The following IQCF1 variants were observed in gnomAD, a reference collection of about 807,000 sequenced individuals.
IQCF1 encodes IQ motif containing F1.
IQCF1 carries 9 observed loss-of-function variants against 12.5 expected under a neutral mutation model. That is an observed-to-expected ratio of 0.72 (90% confidence interval 0.43 to 1.26). The LOEUF (loss-of-function observed/expected upper bound fraction) is 1.26, where lower values mean the gene tolerates loss of function less well. Among genes scored for constraint, IQCF1 ranks in the 50% most tolerant of loss-of-function variants. The probability of loss-of-function intolerance (pLI) is 0.00; values close to 1 mark genes in which losing one functional copy is unlikely to be tolerated. For missense variants in IQCF1, 252 were observed against 257.4 expected (o/e 0.98, Z 0.14); for synonymous variants, 67 against 96.2 (o/e 0.70, Z 1.78).
chr3:51,895,278 G>T lies in IQCF1; in HGVS notation c.230C>A (p.Ala77Asp). The stretch of plus-strand genomic sequence containing the variant: ...ACGCACCAGGGTGCCCCGCCACCAG[G>T]CCTGGATCTTGGTGGCTACCGTATC... Reference protein sequence around the residue: ...DKDTVATKIQAWWRGTLVRRA... With the variant: ...DKDTVATKIQDWWRGTLVRRA... Residue 77 changes from alanine to aspartate, a missense_variant, in exon 4 of 4, where the codon GCC (alanine) becomes GAC (aspartate). Coordinates refer to ENST00000310914, the MANE Select transcript of IQCF1 (RefSeq NM_152397.3). The surrounding 1 kb of genome is among the most constrained non-coding windows in gnomAD (Gnocchi z 4.8). 1.2e-6 allele frequency: 2 copies of T among 1,614,182 alleles called. No individual in the cohort carries two copies. The highest frequency in any genetic ancestry group is 1.7e-6 in the Non-Finnish European group (2 of 1,180,022).
chr3:51,899,971 C>A (rs1176609636), intron 2 of IQCF1, among the ~76,000 whole-genome samples: 2 of 152,102 alleles, frequency 1.3e-5, no homozygotes, highest in Non-Finnish European at 2.9e-5. Context: ...TAAGAAGGCA[C>A]CAAGGACAAT....
chr3:51,898,654 G>C (rs1699041022), intron 2 of IQCF1, among the ~76,000 whole-genome samples: 1 of 149,650 alleles, frequency 6.7e-6, no homozygotes, highest in Non-Finnish European at 1.5e-5. Context: ...ACTGACTCAA[G>C]AAACTTGAAG....
rs892602705 is a variant in IQCF1, at chr3:51,899,920, C to CT, written c.109-3027dup. Among the ~76,000 whole-genome samples, 19 of 152,170 alleles carry CT rather than the reference C, an allele frequency of 1.2e-4. 1 individual carries two copies. The highest frequency in any genetic ancestry group is 1.2e-3 in the Admixed American group (18 of 15,278). ...AAAATGGTGTTTGGCTTTCTTTGGT[C>CT]TAAAAACTAATAAAAATAGGTGCTA... On this transcript the variant is annotated intron_variant, in intron 2 of 3. Coordinates refer to ENST00000310914, the MANE Select transcript of IQCF1 (RefSeq NM_152397.3).
chr3:51,898,153 G>A (rs1322765431), intron 2 of IQCF1, among the ~76,000 whole-genome samples: 1 of 152,122 alleles, frequency 6.6e-6, no homozygotes, highest in African/African-American at 2.4e-5. Flanking sequence ...GGCTGGCAGA[G>A]GCAGGGAAAG....
intron 2 of IQCF1, among the ~76,000 whole-genome samples, chr3:51,898,236 CAGAA>C (rs1310331925): frequency 8.3e-6 from 1 of 120,432 alleles, no homozygotes; most frequent in East Asian, 2.4e-4. Flanking sequence ...GAGAAAGAGA[CAGAA>C]AGACAAAGAG....
chr3:51,896,703 A>G (rs1488664292), intron 3 of IQCF1, 129 bp downstream of exon 3: 5 of 731,670 alleles, frequency 6.8e-6, no homozygotes, highest in Admixed American at 1.9e-5. Flanking sequence ...GCGCACACAC[A>G]CACACACACG....
intron 1 of IQCF1, 52 bp from the exon 2 acceptor site, chr3:51,903,141 T>C: frequency 6.3e-7 from 1 of 1,596,492 alleles, no homozygotes; most frequent in African/African-American, 1.3e-5. Context: ...TCCCTCCCTC[T>C]CCATTCAATA....
intron 2 of IQCF1, among the ~76,000 whole-genome samples, chr3:51,902,322 T>A (rs1332630330): frequency 6.6e-6 from 1 of 152,138 alleles, no homozygotes; most frequent in Non-Finnish European, 1.5e-5. Flanking sequence ...AGCCAAGACA[T>A]GTTAAAGAAG....
Position 51,896,713 on chromosome 3 carries a change from G to A in IQCF1, c.171+119C>T, listed in dbSNP as rs74953880. On this transcript the variant is annotated intron_variant, in intron 3 of 3. Coordinates refer to ENST00000310914, the MANE Select transcript of IQCF1 (RefSeq NM_152397.3). ...CACGCGCGCACACACACACACACACGCACACACACACACACATACTTCTAA... is the reference window on the plus strand; with the variant it reads ...CACGCGCGCACACACACACACACACACACACACACACACACATACTTCTAA... 3.6e-3 allele frequency: 2,157 copies of A among 603,782 alleles called. 6 individuals carry two copies. The highest frequency in any genetic ancestry group is 0.02 in the Middle Eastern group (51 of 2,534). 37.4% of individuals were successfully genotyped at this position (603,782 alleles called of 1,614,324 possible). A position where few individuals can be genotyped will look rare whatever the true frequency, so the allele number is the denominator to read the frequency against.
At position 51,903,340 on chromosome 3, in the gene IQCF1, T is replaced by C. The variant is rs1699101497; in HGVS notation, c.-68A>G. 4.5e-6 allele frequency: 7 copies of C among 1,564,426 alleles called. No individual in the cohort carries two copies. The highest frequency in any genetic ancestry group is 6.2e-6 in the Non-Finnish European group (7 of 1,134,790). On this transcript the variant is annotated 5_prime_UTR_variant, in exon 1 of 4. It removes an upstream start codon present in the reference 5' UTR. Transcript: ENST00000310914. Reference sequence around the variant, plus strand: ...CATCTGTGTTCATCCAGCCATAGCATAGGCAGGAAGGGTGGAGGAAGAAAG... The same window carrying C: ...CATCTGTGTTCATCCAGCCATAGCACAGGCAGGAAGGGTGGAGGAAGAAAG...
At position 51,903,300 on chromosome 3, in the gene IQCF1, G is replaced by C; in HGVS notation, c.-28C>G. 1 of 1,613,652 alleles carries C rather than the reference G, an allele frequency of 6.2e-7. No individual in the cohort carries two copies. Among genetic ancestry groups the C allele is most frequent in the Non-Finnish European group, 8.5e-7 (1 of 1,179,556 alleles). On this transcript the variant is annotated 5_prime_UTR_variant, in exon 1 of 4. Coordinates refer to ENST00000310914, the MANE Select transcript of IQCF1 (RefSeq NM_152397.3). ...GTCACATATGGATTGATTGTAGATG[G>C]TTCAAATCCCCTCACATCTGTGTTC...
Position 51,896,889 on chromosome 3 carries a change from T to G in IQCF1, c.114A>C (p.Lys38Asn). 6.2e-7 allele frequency: 1 copy of G among 1,612,898 alleles called. No individual in the cohort carries two copies. Among genetic ancestry groups the G allele is most frequent in the East Asian group, 2.2e-5 (1 of 44,874 alleles). The change falls in exon 3 of 4, where the codon AAA becomes AAC. Residue 38 changes from lysine to asparagine, a missense_variant. By Grantham distance (94) the Lys-to-Asn change is moderately conservative. Transcript: ENST00000310914. ...TCTGTGTCTCAACCAGAACTGGAGT[T>G]TTAGCCTGAAAAGGAAATGGGGAAA... ...SLGAESKAEAKTPVLVETQTV... is the reference protein window; with the variant it reads ...SLGAESKAEANTPVLVETQTV...
intron 2 of IQCF1, among the ~76,000 whole-genome samples, chr3:51,897,384 AT>A (rs1361039359): frequency 7.9e-5 from 12 of 152,354 alleles, no homozygotes; most frequent in African/African-American, 2.9e-4. Context: ...AAGAATTAAA[AT>A]TTATATTTGA....
intron 1 of IQCF1, 39 bp from the exon 2 acceptor site, chr3:51,903,128 C>CG: frequency 1.9e-6 from 3 of 1,599,922 alleles, no homozygotes; most frequent in Non-Finnish European, 2.6e-6. Flanking sequence ...AGTGAGGCTG[C>CG]GGTCCCTCCC....
At chr3:51,896,704 C>T in intron 3 of IQCF1, 128 bp downstream of exon 3, 1 of 731,406 alleles carries the variant, frequency 1.4e-6, no homozygotes, top group South Asian at 1.5e-5. Flanking sequence ...CGCACACACA[C>T]ACACACACGC....
Position 51,895,467 on chromosome 3 carries a change from G to C in IQCF1, c.172-131C>G. On this transcript the variant is annotated intron_variant, in intron 3 of 3. Coordinates refer to ENST00000310914, the MANE Select transcript of IQCF1 (RefSeq NM_152397.3). This position sits in a 1 kb window ranked among gnomAD's most constrained non-coding sequence, Gnocchi z 4.8. ...CTGGAATTCAGGAGCACTGGGCAGG[G>C]CACTGGCTGGAACCAGAAGATCAGG... 1 of 779,614 alleles carries C rather than the reference G, an allele frequency of 1.3e-6. No homozygotes were observed. Among genetic ancestry groups the C allele is most frequent in the Non-Finnish European group, 2.0e-6 (1 of 498,090 alleles). 48.3% of individuals were successfully genotyped at this position (779,614 alleles called of 1,614,324 possible).
intron 2 of IQCF1, among the ~76,000 whole-genome samples, chr3:51,902,614 G>A (rs1343710757): frequency 1.3e-5 from 2 of 151,824 alleles, no homozygotes; most frequent in African/African-American, 2.4e-5. Context: ...CCTGCTCCGC[G>A]GTAACCATTT....
At chr3:51,896,770 C>T in intron 3 of IQCF1, 62 bp downstream of exon 3, 1 of 1,264,152 alleles carries the variant, frequency 7.9e-7, no homozygotes, top group Non-Finnish European at 1.2e-6. Flanking sequence ...ATGGTCATTC[C>T]ATTCCACCAG....
At chr3:51,896,180 A>G (rs1330072188) in intron 3 of IQCF1, among the ~76,000 whole-genome samples, 1 of 152,172 alleles carries the variant, frequency 6.6e-6, no homozygotes, top group Non-Finnish European at 1.5e-5. Flanking sequence ...CAAGACTTCA[A>G]AAGAACTTTG....
Sources: allele counts gnomAD v4.1 joint callset (sites outside exome capture counted in the v4.1 genomes callset), GRCh38; gene constraint gnomAD v4.1.1; non-coding constraint Gnocchi (gnomAD v3.1); transcripts MANE v1.5; gene names NCBI Gene and HGNC (gene_info 2026-07-23, HGNC 2026-07-21).